The following SLC22A23 variants were observed in gnomAD, a reference collection of about 807,000 sequenced individuals.
The protein encoded by SLC22A23 is ion transporter protein.
SLC22A23 carries 26 observed loss-of-function variants against 61.0 expected under a neutral mutation model. The observed-to-expected ratio is 0.43, with a 90% CI of 0.31 to 0.59. The LOEUF (loss-of-function observed/expected upper bound fraction) is 0.59, where lower values mean the gene tolerates loss of function less well. Ranked by LOEUF, SLC22A23 falls within the 20% of genes least tolerant of loss-of-function variation. The pLI is 0.11. For missense variants in SLC22A23, 796 were observed against 934.7 expected (o/e 0.85, Z 1.94); for synonymous variants, 430 against 413.9 (o/e 1.04, Z -0.47).
At chr6:3,421,424 C>T (rs767632686) in intron 1 of SLC22A23, among the ~76,000 whole-genome samples, 2 of 152,078 alleles carry the variant, frequency 1.3e-5, no homozygotes, top group Non-Finnish European at 2.9e-5. Context: ...GACTCAATGT[C>T]AATGATACCA....
intron 1 of SLC22A23, chr6:3,432,318 G>C (rs1198267962): frequency 1.0e-6 from 1 of 985,346 alleles, no homozygotes; most frequent in African/African-American, 1.7e-5. Flanking sequence ...GGGTAGGCTG[G>C]CTGTGAGACT....
intron 3 of SLC22A23, among the ~76,000 whole-genome samples, chr6:3,356,679 T>TAA (rs1765127546): frequency 2.0e-5 from 3 of 152,144 alleles, no homozygotes; most frequent in Non-Finnish European, 4.4e-5. Context: ...TCCTCCTTAT[T>TAA]GGCTCAGCAG....
chr6:3,352,724 A>C (rs1051568179), intron 3 of SLC22A23, among the ~76,000 whole-genome samples: 1 of 152,224 alleles, frequency 6.6e-6, no homozygotes, highest in African/African-American at 2.4e-5. Flanking sequence ...TGGAGGTCTG[A>C]GGATAAATGG....
chr6:3,319,794 T>G (rs4959812), intron 4 of SLC22A23, among the ~76,000 whole-genome samples: 120,689 of 151,876 alleles, frequency 0.79, 48,324 homozygotes, highest in Non-Finnish European at 0.84. Flanking sequence ...GGAGGCCGTG[T>G]TTTGGACCCT....
At chr6:3,451,549 T>C (rs1012104297) in intron 1 of SLC22A23, among the ~76,000 whole-genome samples, 2 of 152,144 alleles carry the variant, frequency 1.3e-5, no homozygotes, top group African/African-American at 4.8e-5. Context: ...TTTGTTTTTT[T>C]GTTTTGTTTT....
At position 3,290,182 on chromosome 6, in the gene SLC22A23, C is replaced by A. The variant is rs74827339; in HGVS notation, c.1211-316G>T. 1,752 of 423,276 alleles carry A rather than the reference C, an allele frequency of 4.1e-3. 45 individuals carry two copies. Among genetic ancestry groups the A allele is most frequent in the African/African-American group, 0.033 (1,628 of 49,634 alleles). The allele number at this position is 423,276 out of a possible 1,614,324, so 26.2% of individuals were successfully genotyped here. A position where few individuals can be genotyped will look rare whatever the true frequency, so the allele number is the denominator to read the frequency against. ...GCACACAAACGGTCTCGACTCAGTT[C>A]ACTTTTGTCTGAGTACAGAGCTCAG... is the stretch of plus-strand genomic sequence containing the variant. On this transcript the variant is annotated intron_variant, in intron 5 of 9. Coordinates refer to ENST00000406686, the MANE Select transcript of SLC22A23 (RefSeq NM_015482.2).
chr6:3,360,990 A>T lies in SLC22A23; in HGVS notation c.914-36988T>A, dbSNP rs925989631. Among the ~76,000 whole-genome samples, 1 of 152,252 alleles carries T rather than the reference A, an allele frequency of 6.6e-6. No homozygotes were observed. Among genetic ancestry groups the T allele is most frequent in the African/African-American group, 2.4e-5 (1 of 41,548 alleles). ...CTGCGGGGAGCTCGAGGCAGCAGGG[A>T]TGTCCAGGCCACAGAAGGTGTCCCA... On this transcript the variant is annotated intron_variant, in intron 3 of 9. Transcript: ENST00000406686. The surrounding 1 kb of genome is among the most constrained non-coding windows in gnomAD (Gnocchi z 4.6).
At chr6:3,278,340 A>G (rs1759101279) in intron 9 of SLC22A23, among the ~76,000 whole-genome samples, 1 of 150,638 alleles carries the variant, frequency 6.6e-6, no homozygotes, top group Non-Finnish European at 1.5e-5. Context: ...AGGAATAGCC[A>G]CACCACTGTG....
intron 9 of SLC22A23, among the ~76,000 whole-genome samples, chr6:3,278,973 C>T (rs796475419): frequency 9.2e-5 from 14 of 152,208 alleles, no homozygotes; most frequent in African/African-American, 2.9e-4. Context: ...GGCAGAGGGC[C>T]ACTGTTAAAG....
intron 3 of SLC22A23, among the ~76,000 whole-genome samples, chr6:3,409,955 C>T (rs1769102347): frequency 1.3e-5 from 2 of 152,188 alleles, no homozygotes; most frequent in African/African-American, 4.8e-5. Flanking sequence ...GTTACGCAAC[C>T]TCCCGTGTCC....
intron 9 of SLC22A23, among the ~76,000 whole-genome samples, chr6:3,274,237 C>G (rs1292518361): frequency 6.6e-6 from 1 of 152,244 alleles, no homozygotes. Flanking sequence ...ATTACTGGGA[C>G]AAAGGTGTTC....
chr6:3,345,525 C>T (rs1277580724), intron 3 of SLC22A23, among the ~76,000 whole-genome samples: 4 of 152,010 alleles, frequency 2.6e-5, no homozygotes, highest in Admixed American at 2.6e-4. Context: ...ACCAACACAC[C>T]TGGCTAATTT....
intron 3 of SLC22A23, among the ~76,000 whole-genome samples, chr6:3,407,797 A>T (rs1026238904): frequency 6.6e-6 from 1 of 152,254 alleles, no homozygotes; most frequent in Non-Finnish European, 1.5e-5. Flanking sequence ...GCAGAAAAAA[A>T]CCTAAGGCTG....
In SLC22A23 at chr6:3,344,051, G is replaced by C. The variant is rs535550985; in HGVS notation, c.914-20049C>G. On this transcript the variant is annotated intron_variant, in intron 3 of 9. Coordinates refer to ENST00000406686, the MANE Select transcript of SLC22A23 (RefSeq NM_015482.2). ...CTCTGACAGCACTGGGGAATGCCTT[G>C]GTTTCTGTGGCTTTTTCTTCCAGAA... Among the ~76,000 whole-genome samples the C allele has an allele frequency of 1.1e-4, 17 of 152,282 alleles. No homozygotes were observed. In the South Asian group the frequency reaches 3.5e-3, roughly 32 times the overall value.
intron 5 of SLC22A23, among the ~76,000 whole-genome samples, chr6:3,296,960 C>T (rs550501034): frequency 6.6e-6 from 1 of 152,328 alleles, no homozygotes; most frequent in African/African-American, 2.4e-5. Context: ...GGCACATTCT[C>T]CCACCTCACT....
intron 3 of SLC22A23, among the ~76,000 whole-genome samples, chr6:3,341,565 A>G (rs772024688): frequency 2.6e-5 from 4 of 152,204 alleles, no homozygotes; most frequent in African/African-American, 4.8e-5. Context: ...TCACTGGTTA[A>G]TCACTGCTCT....
intron 3 of SLC22A23, among the ~76,000 whole-genome samples, chr6:3,337,359 T>C (rs557812842): frequency 9.8e-4 from 149 of 151,718 alleles, no homozygotes; most frequent in African/African-American, 3.4e-3. Context: ...GTGGTGAGTA[T>C]TCAGGGAGGC....
intron 6 of SLC22A23, 93 bp from the exon 7 acceptor site, chr6:3,287,184 G>T: frequency 8.5e-7 from 1 of 1,171,340 alleles, no homozygotes; most frequent in Non-Finnish European, 1.2e-6. Flanking sequence ...GTGACCAGGA[G>T]ATGAAGAAGC....
Position 3,304,022 on chromosome 6 carries a change from G to A in SLC22A23, c.1083-5804C>T, listed in dbSNP as rs1761800333. Reference sequence around the variant, plus strand: ...AGCCCTGCATTATGCATACCAGGCAGACATTGGTGCTACTGGAATTCCATC... The same window carrying A: ...AGCCCTGCATTATGCATACCAGGCAAACATTGGTGCTACTGGAATTCCATC... On this transcript the variant is annotated intron_variant, in intron 4 of 9. Coordinates refer to ENST00000406686, the MANE Select transcript of SLC22A23 (RefSeq NM_015482.2). This position sits in a 1 kb window ranked among gnomAD's most constrained non-coding sequence, Gnocchi z 4.3. 6.6e-6 allele frequency among the ~76,000 whole-genome samples: 1 copy of A among 152,254 alleles called. No homozygotes were observed. The highest frequency in any genetic ancestry group is 2.4e-5 in the African/African-American group (1 of 41,470).
Sources: allele counts gnomAD v4.1 joint callset (sites outside exome capture counted in the v4.1 genomes callset), GRCh38; gene constraint gnomAD v4.1.1; non-coding constraint Gnocchi (gnomAD v3.1); transcripts MANE v1.5; gene names NCBI Gene and HGNC (gene_info 2026-07-23, HGNC 2026-07-21).